Variants in AGTPBP1 observed in about 807,000 individuals in gnomAD.
The protein encoded by AGTPBP1 is cytosolic carboxypeptidase 1.
Under a neutral mutation model 143.9 loss-of-function variants are expected in AGTPBP1, and 70 were observed. That is an observed-to-expected ratio of 0.49 (90% CI 0.40 to 0.59). The LOEUF is 0.59. Ranked by LOEUF, AGTPBP1 falls within the 20% of genes least tolerant of loss-of-function variation. The pLI is 0.00. For synonymous variants in AGTPBP1, 463 were observed against 500.2 expected (o/e 0.93, Z 0.99); for missense variants, 1,229 against 1,464.5 (o/e 0.84, Z 2.62).
At chr9:85,667,009 A>T (rs1834173106) in intron 8 of AGTPBP1, among the ~76,000 whole-genome samples, 1 of 152,082 alleles carries the variant, frequency 6.6e-6, no homozygotes, top group African/African-American at 2.4e-5. Context: ...CAGACAGGAA[A>T]CTGGGGCATA....
chr9:85,761,796 C>G, the AGTPBP1 span, among the ~76,000 whole-genome samples: 3 of 152,158 alleles, frequency 2.0e-5, no homozygotes, highest in African/African-American at 7.2e-5. Flanking sequence ...AACTAAAGAG[C>G]TTCTGCACAG....
At chr9:85,798,711 T>A in the AGTPBP1 span, among the ~76,000 whole-genome samples, 1 of 152,112 alleles carries the variant, frequency 6.6e-6, no homozygotes, top group Admixed American at 6.5e-5. Flanking sequence ...CTGTCTTTCA[T>A]GTAAGGAGGT....
chr9:85,735,028 C>T (rs982125996), intron 1 of AGTPBP1, among the ~76,000 whole-genome samples: 1 of 152,076 alleles, frequency 6.6e-6, no homozygotes, highest in Non-Finnish European at 1.5e-5. Flanking sequence ...CAGCGAGACT[C>T]CATCTAAAAA....
chr9:85,770,467 A>G, the AGTPBP1 span: 4 of 1,570,814 alleles, frequency 2.5e-6, no homozygotes, highest in South Asian at 1.1e-5. Context: ...GATTAGAGCT[A>G]TTCTTTTCAG....
At chr9:85,630,988 C>A (rs1429928470) in intron 14 of AGTPBP1, among the ~76,000 whole-genome samples, 1 of 152,162 alleles carries the variant, frequency 6.6e-6, no homozygotes, top group Non-Finnish European at 1.5e-5. Flanking sequence ...TGCCTATGTT[C>A]CACACATAGT....
At position 85,589,236 on chromosome 9, in the gene AGTPBP1, C is replaced by T. The variant is rs71506693; in HGVS notation, c.2722+292G>A. Among the ~76,000 whole-genome samples the T allele has an allele frequency of 4.0e-3, 608 of 151,828 alleles. 2 individuals are homozygous for T. Among genetic ancestry groups the T allele is most frequent in the Non-Finnish European group, 6.8e-3 (462 of 67,892 alleles). The stretch of plus-strand genomic sequence containing the variant: ...AATTGATAATACTATTACACGACCT[C>T]TTAAAATAATTTGTTGTATTCTACT... On this transcript the variant is annotated intron_variant, in intron 20 of 25. Coordinates refer to ENST00000357081, the MANE Select transcript of AGTPBP1 (RefSeq NM_001330701.2).
At chr9:85,740,131 G>A (rs1035026526) in intron 1 of AGTPBP1, among the ~76,000 whole-genome samples, 1 of 152,182 alleles carries the variant, frequency 6.6e-6, no homozygotes, top group African/African-American at 2.4e-5. Context: ...AGAGAAGAAT[G>A]CCTCAATTCG....
the AGTPBP1 span, among the ~76,000 whole-genome samples, chr9:85,783,381 T>C: frequency 1.3e-5 from 2 of 152,232 alleles, no homozygotes; most frequent in African/African-American, 4.8e-5. Flanking sequence ...GTTATAATCC[T>C]ACCCACATTT....
At chr9:85,552,608 T>A (rs1826099922) in intron 25 of AGTPBP1, among the ~76,000 whole-genome samples, 1 of 152,202 alleles carries the variant, frequency 6.6e-6, no homozygotes, top group Non-Finnish European at 1.5e-5. Flanking sequence ...AAAGCAGAGA[T>A]AACAATATCA....
At chr9:85,773,847 T>G in the AGTPBP1 span, 1 of 1,600,266 alleles carries the variant, frequency 6.2e-7, no homozygotes, top group South Asian at 1.1e-5. Flanking sequence ...GGTGGTGAAT[T>G]TGCGAGAAGC....
At chr9:85,559,677 C>G (rs1826578452) in intron 25 of AGTPBP1, among the ~76,000 whole-genome samples, 1 of 152,090 alleles carries the variant, frequency 6.6e-6, no homozygotes, top group South Asian at 2.1e-4. Flanking sequence ...CTGGAATTGA[C>G]CTAGGTTTCA....
At chr9:85,665,196 G>T (rs924811364) in intron 8 of AGTPBP1, among the ~76,000 whole-genome samples, 3 of 152,180 alleles carry the variant, frequency 2.0e-5, no homozygotes, top group African/African-American at 7.2e-5. Context: ...GAGTAGGTGG[G>T]CCCTTAATAC....
intron 25 of AGTPBP1, among the ~76,000 whole-genome samples, chr9:85,555,281 A>T (rs956625303): frequency 1.1e-4 from 16 of 152,076 alleles, no homozygotes; most frequent in African/African-American, 3.6e-4. Flanking sequence ...TCCAGACAAG[A>T]CTCATTGCCT....
chr9:85,579,084 T>A lies in AGTPBP1; in HGVS notation c.3178A>T (p.Ile1060Leu), dbSNP rs368278786. ...AATGCTGGGGCGATATGGCTCAGTA[T>A]CTTAGGCAATGTCTGTTAAAAACAA... ...EDTGYRTLPK[I>L]LSHIAPAFCM... Residue 1060 changes from isoleucine to leucine, a missense_variant, in exon 24 of 26, where the codon ATA (isoleucine) becomes TTA (leucine). By Grantham distance (5) the Ile-to-Leu change is conservative. Transcript: ENST00000357081. The A allele has an allele frequency of 1.3e-6, 2 of 1,599,578 alleles. No homozygotes were observed. The highest frequency in any genetic ancestry group is 2.7e-5 in the African/African-American group (2 of 74,018).
chr9:85,616,681 A>G (rs1434312369), intron 17 of AGTPBP1, among the ~76,000 whole-genome samples: 1 of 151,970 alleles, frequency 6.6e-6, no homozygotes, highest in East Asian at 1.9e-4. Context: ...ATTATGTAGC[A>G]TCATTACAAG....
chr9:85,738,457 G>GAT (rs1453657905), intron 1 of AGTPBP1, among the ~76,000 whole-genome samples: 1 of 152,116 alleles, frequency 6.6e-6, no homozygotes, highest in African/African-American at 2.4e-5. Context: ...TAAAAAAATT[G>GAT]ATTTTGTGTG....
intron 6 of AGTPBP1, among the ~76,000 whole-genome samples, chr9:85,675,281 G>C (rs1834755252): frequency 6.6e-6 from 1 of 152,186 alleles, no homozygotes; most frequent in African/African-American, 2.4e-5. Flanking sequence ...AACTGAACTT[G>C]AGTTCTAGTC....
chr9:85,743,210 A>C (rs916035312), upstream of AGTPBP1, among the ~76,000 whole-genome samples: 1 of 152,234 alleles, frequency 6.6e-6, no homozygotes, highest in African/African-American at 2.4e-5. Context: ...ATATGTATGT[A>C]ATATACCTGA....
the AGTPBP1 span, among the ~76,000 whole-genome samples, chr9:85,775,726 G>A: frequency 2.6e-5 from 4 of 152,084 alleles, no homozygotes; most frequent in South Asian, 8.3e-4. Context: ...GGAGTCTGAT[G>A]TTCGAGGACA....
Sources: gnomAD v4.1 joint callset for allele counts (sites outside exome capture counted in the v4.1 genomes callset) on GRCh38, gnomAD v4.1.1 for gene constraint, MANE v1.5 for transcripts, NCBI Gene and HGNC (gene_info 2026-07-23, HGNC 2026-07-21) for gene names.